The following TTC29 variants were observed in gnomAD, a reference collection of about 807,000 sequenced individuals.
The protein encoded by TTC29 is tetratricopeptide repeat protein 29.
Under a neutral mutation model 58.1 loss-of-function variants are expected in TTC29, and 49 were observed. The ratio of observed to expected loss-of-function variants is 0.84; its 90% CI spans 0.67 to 1.07. The LOEUF (loss-of-function observed/expected upper bound fraction) is 1.07, where lower values mean the gene tolerates loss of function less well. Ranked by LOEUF, TTC29 falls within the 50% of genes least tolerant of loss-of-function variation. The probability of loss-of-function intolerance (pLI) is 0.00; values close to 1 mark genes in which losing one functional copy is unlikely to be tolerated. For missense variants in TTC29, 582 were observed against 555.6 expected, an observed-to-expected ratio of 1.05 and a Z score of -0.48; for synonymous variants, 209 against 196.8, an observed-to-expected ratio of 1.06 and a Z score of -0.52.
chr4:146,937,633 T>G lies in TTC29; in HGVS notation c.137A>C (p.Glu46Ala). ...KEKDDIDHYL[E>A]VNFKGLSKEE... ...TTTTGATAATCCTTTGAAATTTACC[T>G]CTAGATAATGATCTATGTCATCTTT... Residue 46 changes from glutamate to alanine, a missense_variant, in exon 4 of 13, where the codon GAG (glutamate) becomes GCG (alanine). Coordinates refer to ENST00000325106, the MANE Select transcript of TTC29 (RefSeq NM_031956.4). 1.3e-6 allele frequency: 2 copies of G among 1,543,066 alleles called. No individual in the cohort carries two copies. The highest frequency in any genetic ancestry group is 1.8e-6 in the Non-Finnish European group (2 of 1,140,382).
intron 8 of TTC29, among the ~76,000 whole-genome samples, chr4:146,864,957 C>T (rs1730472653): frequency 6.6e-6 from 1 of 151,664 alleles, no homozygotes; most frequent in Non-Finnish European, 1.5e-5. Context: ...ACTCACTACC[C>T]TTTATGAAAT....
At chr4:146,877,085 C>G (rs1192144437) in intron 6 of TTC29, among the ~76,000 whole-genome samples, 1 of 151,980 alleles carries the variant, frequency 6.6e-6, no homozygotes, top group Non-Finnish European at 1.5e-5. Context: ...TGAAACTTCA[C>G]ATGATAGGAG....
chr4:146,774,269 G>A (rs1747935227), intron 11 of TTC29, among the ~76,000 whole-genome samples: 1 of 152,094 alleles, frequency 6.6e-6, no homozygotes, highest in South Asian at 2.1e-4. Context: ...TTTTCTGCTA[G>A]CTTTGGGGTT....
intron 11 of TTC29, among the ~76,000 whole-genome samples, chr4:146,769,235 T>G (rs748057111): frequency 3.2e-4 from 48 of 152,020 alleles, no homozygotes; most frequent in Non-Finnish European, 5.4e-4. Context: ...GACATTAAAA[T>G]GTCAATCTTT....
At chr4:146,849,538 T>C (rs1452910062) in intron 8 of TTC29, among the ~76,000 whole-genome samples, 1 of 152,172 alleles carries the variant, frequency 6.6e-6, no homozygotes, top group African/African-American at 2.4e-5. Flanking sequence ...CTCATGCTTG[T>C]CTGGTCACAG....
intron 10 of TTC29, among the ~76,000 whole-genome samples, chr4:146,816,584 G>C (rs1393364776): frequency 6.6e-6 from 1 of 152,062 alleles, no homozygotes; most frequent in Non-Finnish European, 1.5e-5. Context: ...GGAGGGACGA[G>C]AAGGAAGGAT....
chr4:146,922,675 G>T (rs1362084389), intron 4 of TTC29, among the ~76,000 whole-genome samples: 1 of 151,672 alleles, frequency 6.6e-6, no homozygotes, highest in Non-Finnish European at 1.5e-5. Flanking sequence ...ACATGCTGAA[G>T]ATCACACACA....
intron 5 of TTC29, among the ~76,000 whole-genome samples, chr4:146,908,707 TAC>T (rs1733688598): frequency 6.6e-6 from 1 of 152,180 alleles, no homozygotes; most frequent in Non-Finnish European, 1.5e-5. Context: ...AGATTACGTA[TAC>T]AGAAAAACTG....
At chr4:146,876,922 A>G in intron 6 of TTC29, among the ~76,000 whole-genome samples, 1 of 148,560 alleles carries the variant, frequency 6.7e-6, no homozygotes. Context: ...TCAACAGAGC[A>G]AGACTCCATC....
intron 11 of TTC29, among the ~76,000 whole-genome samples, chr4:146,754,998 A>C (rs1240340909): frequency 6.6e-6 from 1 of 152,172 alleles, no homozygotes; most frequent in Non-Finnish European, 1.5e-5. Context: ...GTATGTGAAA[A>C]ACCCACAAAA....
At chr4:146,753,397 A>G (rs1287043551) in intron 11 of TTC29, among the ~76,000 whole-genome samples, 2 of 152,208 alleles carry the variant, frequency 1.3e-5, no homozygotes. Context: ...AAACGTCAGG[A>G]AACAACAGGT....
At chr4:146,909,301 G>A in intron 4 of TTC29, 52 bp from the exon 5 acceptor site, 1 of 1,354,522 alleles carries the variant, frequency 7.4e-7, no homozygotes, top group East Asian at 2.5e-5. Context: ...CTTTCAGTCT[G>A]CACGGTATTT....
intron 11 of TTC29, among the ~76,000 whole-genome samples, chr4:146,714,000 C>T (rs1396177687): frequency 6.6e-6 from 1 of 152,082 alleles, no homozygotes; most frequent in Non-Finnish European, 1.5e-5. Context: ...ATAAATCCCG[C>T]AATTTTTTTC....
intron 11 of TTC29, among the ~76,000 whole-genome samples, chr4:146,728,871 GTGTGTA>G (rs1744107716): frequency 9.3e-5 from 2 of 21,538 alleles, no homozygotes; most frequent in Non-Finnish European, 1.8e-4. Context: ...ATATATATGT[GTGTGTA>G]TATATATATG....
In TTC29 at chr4:146,875,069, A is replaced by C. The variant is rs1731172128; in HGVS notation, c.587-141T>G. On this transcript the variant is annotated intron_variant, in intron 6 of 12. Coordinates refer to ENST00000325106, the MANE Select transcript of TTC29 (RefSeq NM_031956.4). ...GGATTTCTAAGGCTGAAGATGAATTAAACTGGGAAAGGAGTGATCTCTAAT... is the reference window on the plus strand; with the variant it reads ...GGATTTCTAAGGCTGAAGATGAATTCAACTGGGAAAGGAGTGATCTCTAAT... The C allele has an allele frequency of 2.7e-5, 18 of 675,166 alleles. No individual in the cohort carries two copies. In the South Asian group the frequency reaches 3.4e-4, roughly 13 times the overall value. The allele number at this position is 675,166 out of a possible 1,614,324, so 41.8% of individuals were successfully genotyped here.
chr4:146,836,163 T>C (rs928626170), intron 8 of TTC29, among the ~76,000 whole-genome samples: 1 of 152,180 alleles, frequency 6.6e-6, no homozygotes, highest in Non-Finnish European at 1.5e-5. Context: ...AAGTGCTATG[T>C]AGATATTAGG....
At chr4:146,864,431 GT>G (rs529252358) in intron 8 of TTC29, among the ~76,000 whole-genome samples, 432 of 152,166 alleles carry the variant, frequency 2.8e-3, no homozygotes, top group African/African-American at 1.0e-2. Flanking sequence ...ATTATTGAAG[GT>G]TTATTATAAA....
chr4:146,882,920 G>A (rs1399061111), intron 6 of TTC29, among the ~76,000 whole-genome samples: 3 of 151,884 alleles, frequency 2.0e-5, no homozygotes, highest in Non-Finnish European at 2.9e-5. Context: ...TGTGCCAGGC[G>A]TGACACTAGC....
intron 8 of TTC29, among the ~76,000 whole-genome samples, chr4:146,866,330 A>G (rs949317494): frequency 4.6e-5 from 7 of 152,134 alleles, no homozygotes; most frequent in Admixed American, 3.9e-4. Context: ...GTCCATGTTG[A>G]GTGTGTACGC....
Sources: allele counts gnomAD v4.1 joint callset (sites outside exome capture counted in the v4.1 genomes callset), GRCh38; gene constraint gnomAD v4.1.1; transcripts MANE v1.5; gene names NCBI Gene and HGNC (gene_info 2026-07-23, HGNC 2026-07-21).